Variants in GRIA4 observed in about 807,000 individuals in gnomAD.
GRIA4 encodes glutamate receptor 4.
In GRIA4, 34 loss-of-function variants were observed where a neutral mutation model predicts 104.0. The ratio of observed to expected loss-of-function variants is 0.33; its 90% CI spans 0.25 to 0.44. The LOEUF is 0.44. Ranked by LOEUF, GRIA4 falls within the 20% of genes least tolerant of loss-of-function variation. GRIA4 has a pLI of 1.00. For synonymous variants in GRIA4, 386 were observed against 381.9 expected, an observed-to-expected ratio of 1.01 and a Z score of -0.13; for missense variants, 750 against 1,096.5, an observed-to-expected ratio of 0.68 and a Z score of 4.46.
chr11:105,612,254 C>T (rs760040690), intron 2 of GRIA4, 22 bp from the exon 3 acceptor site: 1 of 1,611,822 alleles, frequency 6.2e-7, no homozygotes, highest in East Asian at 2.2e-5. Context: ...AGTGAATGTG[C>T]TTTTCCTGCT....
At position 105,728,919 on chromosome 11, in the gene GRIA4, C is replaced by T. The variant is rs765631622; in HGVS notation, c.248-24062C>T. On this transcript the variant is annotated intron_variant, in intron 3 of 16. Coordinates refer to ENST00000282499, the MANE Select transcript of GRIA4 (RefSeq NM_000829.4). ...GAAAGTGGGAAAGATCTAAAATCCA[C>T]ACTCTAACATCACAATTAGAAGAAC... Among the ~76,000 whole-genome samples the T allele has an allele frequency of 1.6e-4, 25 of 152,128 alleles. 1 individual carries two copies.
chr11:105,643,019 T>G (rs548470801), intron 3 of GRIA4, among the ~76,000 whole-genome samples: 1 of 152,012 alleles, frequency 6.6e-6, no homozygotes, highest in African/African-American at 2.4e-5. Flanking sequence ...TGCTGAGCAA[T>G]AGGGGGAAAA....
At chr11:105,722,125 C>G (rs1402778717) in intron 3 of GRIA4, among the ~76,000 whole-genome samples, 2 of 152,072 alleles carry the variant, frequency 1.3e-5, no homozygotes, top group Non-Finnish European at 2.9e-5. Context: ...AGTTAAAAAT[C>G]AGATGGTGCT....
At chr11:105,884,104 C>T (rs1386982134) in intron 5 of GRIA4, among the ~76,000 whole-genome samples, 2 of 152,196 alleles carry the variant, frequency 1.3e-5, no homozygotes, top group South Asian at 2.1e-4. Context: ...AGATTGTCTT[C>T]CCCTACATTT....
intron 3 of GRIA4, among the ~76,000 whole-genome samples, chr11:105,747,338 T>A (rs1259184899): frequency 2.0e-5 from 3 of 152,166 alleles, no homozygotes; most frequent in Non-Finnish European, 4.4e-5. Flanking sequence ...CAATCCACTT[T>A]AAATACGAAT....
At position 105,979,480 on chromosome 11, in the gene GRIA4, T is replaced by C. The variant is rs960974679; in HGVS notation, c.2545-95T>C. ...TGGAAAAAATGCAGATGTCTAATTA[T>C]TTATATTTCGGTGTTTGTTGTGGAA... is the stretch of plus-strand genomic sequence containing the variant. On this transcript the variant is annotated intron_variant, in intron 16 of 16. Coordinates refer to ENST00000282499, the MANE Select transcript of GRIA4 (RefSeq NM_000829.4). The C allele has an allele frequency of 8.5e-5, 93 of 1,095,788 alleles. No individual in the cohort carries two copies. In the East Asian group the frequency reaches 2.2e-3, roughly 25 times the overall value. 67.9% of individuals were successfully genotyped at this position (1,095,788 alleles called of 1,614,324 possible).
At chr11:105,928,746 T>C (rs1298834132) in intron 13 of GRIA4, among the ~76,000 whole-genome samples, 3 of 152,104 alleles carry the variant, frequency 2.0e-5, no homozygotes, top group Non-Finnish European at 4.4e-5. Flanking sequence ...ATATTGATTC[T>C]GTGAAAATAT....
intron 3 of GRIA4, among the ~76,000 whole-genome samples, chr11:105,660,369 A>AT (rs1485539264): frequency 1.2e-4 from 18 of 151,762 alleles, no homozygotes; most frequent in Admixed American, 9.2e-4. Flanking sequence ...AATGTCCAAT[A>AT]TCAGACTAAG....
At position 105,916,108 on chromosome 11, in the gene GRIA4, C is replaced by T. The variant is rs578151958; in HGVS notation, c.1270-2604C>T. Reference sequence around the variant, plus strand: ...CTGAGGCAGGAGAATCGCTTGAACCCGGAAGGCAGAGGTTGCAGTGAGCCG... The same window carrying T: ...CTGAGGCAGGAGAATCGCTTGAACCTGGAAGGCAGAGGTTGCAGTGAGCCG... On this transcript the variant is annotated intron_variant, in intron 10 of 16. Coordinates refer to ENST00000282499, the MANE Select transcript of GRIA4 (RefSeq NM_000829.4). 9.2e-5 allele frequency among the ~76,000 whole-genome samples: 14 copies of T among 152,098 alleles called. 1 individual carries two copies. The Middle Eastern group carries it at 0.014, about 148-fold the overall frequency.
At chr11:105,735,389 T>C (rs967401123) in intron 3 of GRIA4, among the ~76,000 whole-genome samples, 8 of 152,166 alleles carry the variant, frequency 5.3e-5, no homozygotes, top group African/African-American at 1.9e-4. Flanking sequence ...ATTTGAATAA[T>C]TAAAATGTGC....
intron 14 of GRIA4, among the ~76,000 whole-genome samples, chr11:105,945,083 G>A (rs1242898980): frequency 6.6e-6 from 1 of 152,068 alleles, no homozygotes; most frequent in African/African-American, 2.4e-5. Flanking sequence ...AGAAGGTCAG[G>A]GAGATGAGCT....
intron 3 of GRIA4, among the ~76,000 whole-genome samples, chr11:105,701,932 C>T (rs1269443944): frequency 6.6e-6 from 1 of 152,014 alleles, no homozygotes; most frequent in East Asian, 1.9e-4. Flanking sequence ...TCTCTAGCCA[C>T]TTGCATTTTT....
intron 3 of GRIA4, among the ~76,000 whole-genome samples, chr11:105,723,819 T>G (rs930205189): frequency 1.3e-5 from 2 of 152,084 alleles, no homozygotes; most frequent in Non-Finnish European, 2.9e-5. Context: ...CCTCTGAATT[T>G]ATAATGAACT....
chr11:105,744,683 C>A (rs1318948692), intron 3 of GRIA4, among the ~76,000 whole-genome samples: 1 of 152,160 alleles, frequency 6.6e-6, no homozygotes, highest in Non-Finnish European at 1.5e-5. Flanking sequence ...ACTATAAAAA[C>A]CTTTAGCTTC....
chr11:105,656,606 A>C (rs1023211693), intron 3 of GRIA4, among the ~76,000 whole-genome samples: 14 of 152,100 alleles, frequency 9.2e-5, no homozygotes, highest in Non-Finnish European at 2.1e-4. Flanking sequence ...ATGGGAAAAA[A>C]AATTTGCAAT....
intron 3 of GRIA4, among the ~76,000 whole-genome samples, chr11:105,650,827 G>C (rs145146176): frequency 1.6e-4 from 24 of 152,168 alleles, no homozygotes; most frequent in African/African-American, 5.5e-4. Context: ...AGAAATCTCA[G>C]ATGAAGATTG....
chr11:105,815,572 C>G (rs111384227), intron 4 of GRIA4, among the ~76,000 whole-genome samples: 2,951 of 152,048 alleles, frequency 0.019, 105 homozygotes, highest in African/African-American at 0.068. Flanking sequence ...CCTAGTCCAT[C>G]TGCTGTTGAT....
intron 10 of GRIA4, chr11:105,913,007 T>C (rs1267576584): frequency 1.1e-6 from 1 of 946,440 alleles, no homozygotes; most frequent in Non-Finnish European, 1.3e-6. Context: ...TGATATGGTG[T>C]TATTGTTCTT....
intron 2 of GRIA4, 69 bp downstream of exon 2, chr11:105,611,154 G>A (rs1950468767): frequency 1.8e-6 from 2 of 1,087,652 alleles, no homozygotes; most frequent in Non-Finnish European, 2.8e-6. Context: ...AGTTAAATGA[G>A]TTGCTGATAA....
Sources: gnomAD v4.1 joint callset for allele counts (sites outside exome capture counted in the v4.1 genomes callset) on GRCh38, gnomAD v4.1.1 for gene constraint, MANE v1.5 for transcripts, NCBI Gene and HGNC (gene_info 2026-07-23, HGNC 2026-07-21) for gene names.